The following FKBP1B variants were observed in gnomAD, a reference collection of about 807,000 sequenced individuals.
FKBP1B encodes the protein peptidyl-prolyl cis-trans isomerase FKBP1B.
FKBP1B carries 4 observed loss-of-function variants against 13.5 expected under a neutral mutation model. The observed-to-expected ratio is 0.30, with a 90% CI of 0.15 to 0.68. The LOEUF is 0.68. Ranked by LOEUF, FKBP1B falls within the 30% of genes least tolerant of loss-of-function variation. The probability of loss-of-function intolerance (pLI) is 0.76; values close to 1 mark genes in which losing one functional copy is unlikely to be tolerated. For missense variants in FKBP1B, 93 were observed against 136.2 expected (o/e 0.68, Z 1.58); for synonymous variants, 54 against 53.6 (o/e 1.01, Z -0.03).
rs201114311 is a variant in FKBP1B, at chr2:24,058,203, GA to G, written c.86-2595del. ...TGACAGAGATGAGACTCTGTCTCAG[GA>G]AAAAAAAAAAAAAAATTGTCTCTAG... On this transcript the variant is annotated intron_variant, in intron 2 of 3. Transcript: ENST00000380986. Among the ~76,000 whole-genome samples, 468 of 126,548 alleles carry G rather than the reference GA, an allele frequency of 3.7e-3. 1 individual carries two copies. The highest frequency in any genetic ancestry group is 9.2e-3 in the South Asian group (36 of 3,920). The allele number at this position is 126,548 out of a possible 152,430, so 83.0% of individuals were successfully genotyped here.
At position 24,063,578 on chromosome 2, in the gene FKBP1B, AG is replaced by A. The variant is rs949853488; in HGVS notation, c.*387del. ...TACCGTACACAGAGGGACTTGAGCCAGTTACCTTTGCTGTCACTTTCTCTCT... is the reference window on the plus strand; with the variant it reads ...TACCGTACACAGAGGGACTTGAGCCATTACCTTTGCTGTCACTTTCTCTCT... On this transcript the variant is annotated 3_prime_UTR_variant, in exon 4 of 4. Coordinates refer to ENST00000380986, the MANE Select transcript of FKBP1B (RefSeq NM_004116.5). 1.7e-5 allele frequency: 4 copies of A among 241,376 alleles called. No homozygotes were observed. Among genetic ancestry groups the A allele is most frequent in the African/African-American group, 8.8e-5 (4 of 45,686 alleles). 15.0% of individuals were successfully genotyped at this position (241,376 alleles called of 1,614,324 possible).
intron 1 of FKBP1B, 109 bp from the exon 2 acceptor site, chr2:24,053,793 A>T: frequency 9.5e-7 from 1 of 1,050,362 alleles, no homozygotes; most frequent in Non-Finnish European, 1.5e-6. Flanking sequence ...AGGCATCTCC[A>T]TGGCATGGAG....
rs772451187 is a variant in FKBP1B at position 24,053,930 on chromosome 2, G to A, written c.66G>A (p.Thr22=). ...DGRTFPKKGQ[T]CVVHYTGMLQ... ...GGACATTCCCCAAGAAGGGCCAAAC[G>A]TGTGTGGTGCACTACACAGGTAAGT... The change falls in exon 2 of 4, where the codon ACG becomes ACA. Residue 22 remains threonine (T), a synonymous_variant. Transcript: ENST00000380986. The A allele has an allele frequency of 2.5e-5, 40 of 1,614,038 alleles. No individual in the cohort carries two copies. Among genetic ancestry groups the A allele is most frequent in the Middle Eastern group, 1.6e-4 (1 of 6,084 alleles).
At chr2:24,055,685 G>A (rs913620381) in intron 2 of FKBP1B, among the ~76,000 whole-genome samples, 8 of 152,216 alleles carry the variant, frequency 5.3e-5, no homozygotes, top group African/African-American at 7.2e-5. Context: ...GTACAAGTAT[G>A]TTGCAATTTA....
chr2:24,052,704 T>C (rs898536081), intron 1 of FKBP1B, among the ~76,000 whole-genome samples: 5 of 152,314 alleles, frequency 3.3e-5, no homozygotes, highest in Non-Finnish European at 7.4e-5. Flanking sequence ...TGGTGGCTCA[T>C]GCCTATAATC....
At position 24,049,858 on chromosome 2, in the gene FKBP1B, G is replaced by A. The variant is rs1663768762; in HGVS notation, c.9G>A (p.Val3=). 2 of 1,431,734 alleles carry A rather than the reference G, an allele frequency of 1.4e-6. No homozygotes were observed. The highest frequency in any genetic ancestry group is 1.8e-6 in the Non-Finnish European group (2 of 1,091,306). The allele number at this position is 1,431,734 out of a possible 1,614,324, so 88.7% of individuals were successfully genotyped here. A position where few individuals can be genotyped will look rare whatever the true frequency, so the allele number is the denominator to read the frequency against. Reference sequence around the variant, plus strand: ...GGGCCTGTGGGACCGCTATGGGCGTGGAGATCGAGACCATCTCCCCCGGAG... The same window carrying A: ...GGGCCTGTGGGACCGCTATGGGCGTAGAGATCGAGACCATCTCCCCCGGAG... MG[V]EIETISPGDG... The change falls in exon 1 of 4, where the codon GTG becomes GTA. Residue 3 remains valine, a synonymous_variant. Coordinates refer to ENST00000380986, the MANE Select transcript of FKBP1B (RefSeq NM_004116.5).
the FKBP1B span, among the ~76,000 whole-genome samples, chr2:24,042,407 G>A: frequency 2.0e-5 from 3 of 151,982 alleles, no homozygotes; most frequent in African/African-American, 7.3e-5. Context: ...GTGTTGGCGG[G>A]CGCCTGTAGT....
intron 2 of FKBP1B, among the ~76,000 whole-genome samples, chr2:24,059,370 C>T (rs1664276311): frequency 9.8e-6 from 1 of 101,626 alleles, no homozygotes. Context: ...TGGACCAGCA[C>T]CTGGGGGGGG....
intron 3 of FKBP1B, among the ~76,000 whole-genome samples, chr2:24,062,241 C>T (rs1004625847): frequency 2.0e-5 from 3 of 152,040 alleles, no homozygotes; most frequent in Non-Finnish European, 4.4e-5. Context: ...GGCACAATCT[C>T]AGCTCACTGC....
chr2:24,045,141 G>C (rs1663571536), upstream of FKBP1B, among the ~76,000 whole-genome samples: 1 of 152,194 alleles, frequency 6.6e-6, no homozygotes, highest in South Asian at 2.1e-4. Flanking sequence ...AACTATTTCA[G>C]TAGAGAAAGA....
chr2:24,054,092 T>C (rs987339889), intron 2 of FKBP1B, 143 bp downstream of exon 2: 2 of 772,688 alleles, frequency 2.6e-6, no homozygotes, highest in South Asian at 1.5e-5. Context: ...AGCCATCCTC[T>C]ACTCCTCCCA....
chr2:24,041,357 T>C, the FKBP1B span, among the ~76,000 whole-genome samples: 2 of 146,462 alleles, frequency 1.4e-5, no homozygotes, highest in African/African-American at 5.0e-5. Flanking sequence ...AAAAAAAAAC[T>C]GTTCCCTCCT....
At chr2:24,033,718 G>A in the FKBP1B span, among the ~76,000 whole-genome samples, 1 of 152,200 alleles carries the variant, frequency 6.6e-6, no homozygotes, top group African/African-American at 2.4e-5. Context: ...TCCAGGCTGA[G>A]TGACAGAGAC....
At chr2:24,048,123 G>A (rs1463444616), upstream of FKBP1B, among the ~76,000 whole-genome samples, 1 of 152,032 alleles carries the variant, frequency 6.6e-6, no homozygotes, top group Non-Finnish European at 1.5e-5. Flanking sequence ...ATCTTCCAGT[G>A]CCACTCAGGA....
At chr2:24,038,742 T>C in the FKBP1B span, 1 of 1,614,210 alleles carries the variant, frequency 6.2e-7, no homozygotes. Flanking sequence ...CAATAACTGG[T>C]AAAGCATACG....
the FKBP1B span, among the ~76,000 whole-genome samples, chr2:24,035,220 GA>G: frequency 6.6e-6 from 1 of 151,452 alleles, no homozygotes; most frequent in African/African-American, 2.4e-5. Flanking sequence ...TGCAGCTGTG[GA>G]AAAAAAGATG....
chr2:24,042,745 G>A, the FKBP1B span, among the ~76,000 whole-genome samples: 2 of 150,258 alleles, frequency 1.3e-5, no homozygotes, highest in Admixed American at 1.3e-4. Flanking sequence ...ACAATTACTG[G>A]GCCAGAGCCA....
At chr2:24,060,959 G>A (rs1279057521) in intron 3 of FKBP1B, 33 bp downstream of exon 3, 2 of 1,517,558 alleles carry the variant, frequency 1.3e-6, no homozygotes, top group Non-Finnish European at 1.8e-6. Context: ...AGGGGATCTG[G>A]GGAGTTGGGG....
At chr2:24,041,753 T>C in the FKBP1B span, among the ~76,000 whole-genome samples, 3 of 149,690 alleles carry the variant, frequency 2.0e-5, no homozygotes, top group Non-Finnish European at 4.4e-5. Flanking sequence ...CTCGGGAGGC[T>C]GAGGCTGGAC....
Sources: allele counts gnomAD v4.1 joint callset (sites outside exome capture counted in the v4.1 genomes callset), GRCh38; gene constraint gnomAD v4.1.1; transcripts MANE v1.5; gene names NCBI Gene and HGNC (gene_info 2026-07-23, HGNC 2026-07-21).